The following ATP13A4 variants were observed in gnomAD, a reference collection of about 807,000 sequenced individuals.
ATP13A4 encodes ATPase 13A4, also known as probable cation-transporting ATPase 13A4.
A neutral mutation model predicts 142.5 loss-of-function variants in ATP13A4; 114 were observed. The observed-to-expected ratio is 0.80, with a 90% CI of 0.69 to 0.93. The LOEUF is 0.93. Ranked by LOEUF, ATP13A4 falls within the 40% of genes least tolerant of loss-of-function variation. The pLI is 0.00. For synonymous variants in ATP13A4, 488 were observed against 514.8 expected (o/e 0.95, Z 0.70); for missense variants, 1,392 against 1,454.0 (o/e 0.96, Z 0.69).
rs141097987 is a variant in ATP13A4 at position 193,445,306 on chromosome 3, C to T, written c.2153-2750G>A. Reference sequence around the variant, plus strand: ...TAAAAATTAGCCAGGCGTTGTGTTGCGTGCCTGTAATCCCAGCTACTTGGG... The same window carrying T: ...TAAAAATTAGCCAGGCGTTGTGTTGTGTGCCTGTAATCCCAGCTACTTGGG... On this transcript the variant is annotated intron_variant, in intron 18 of 29. Coordinates refer to ENST00000342695, the MANE Select transcript of ATP13A4 (RefSeq NM_032279.4). Among the ~76,000 whole-genome samples the T allele has an allele frequency of 1.3e-3, 193 of 151,866 alleles. 1 individual carries two copies. The highest frequency in any genetic ancestry group is 4.3e-3 in the African/African-American group (177 of 41,416).
chr3:193,441,689 A>G, intron 19 of ATP13A4, 101 bp from the exon 20 acceptor site: 2 of 1,421,722 alleles, frequency 1.4e-6, no homozygotes, highest in Non-Finnish European at 2.0e-6. Flanking sequence ...ACCAGGATCT[A>G]TCTGTAAAAG....
chr3:193,585,476 T>C (rs1409185779), intron 1 of ATP13A4, among the ~76,000 whole-genome samples: 1 of 130,480 alleles, frequency 7.7e-6, no homozygotes, highest in African/African-American at 3.0e-5. Context: ...CAGGTTTGTT[T>C]GTGGGTTTTT....
chr3:193,541,220 G>T (rs1391577312), intron 1 of ATP13A4, among the ~76,000 whole-genome samples: 1 of 129,220 alleles, frequency 7.7e-6, no homozygotes, highest in Non-Finnish European at 1.7e-5. Context: ...CTGCACTCCA[G>T]CCTGGGCGAC....
In ATP13A4 at chr3:193,402,006, C is replaced by T. The variant is rs1714278653; in HGVS notation, c.*646G>A. 6.5e-6 allele frequency: 1 copy of T among 153,042 alleles called. No individual in the cohort carries two copies. 9.5% of individuals were successfully genotyped at this position (153,042 alleles called of 1,614,324 possible). On this transcript the variant is annotated 3_prime_UTR_variant, in exon 30 of 30. Transcript: ENST00000342695. Reference sequence around the variant, plus strand: ...TGGAGCCATCAGGTTGAAGCAGTCACTGCTGTAAGAATGGCAGTTCCAGAG... The same window carrying T: ...TGGAGCCATCAGGTTGAAGCAGTCATTGCTGTAAGAATGGCAGTTCCAGAG...
chr3:193,452,067 TGTGTC>T (rs1717313168), intron 17 of ATP13A4, among the ~76,000 whole-genome samples: 1 of 152,212 alleles, frequency 6.6e-6, no homozygotes, highest in African/African-American at 2.4e-5. Context: ...CCATTGCTCA[TGTGTC>T]TCCACAGTAA....
At position 193,401,194 on chromosome 3, in the gene ATP13A4, T is replaced by C. The variant is rs1350557555; in HGVS notation, c.*1458A>G. Among the ~76,000 whole-genome samples the C allele has an allele frequency of 6.6e-6, 1 of 152,154 alleles. No individual in the cohort carries two copies. Among genetic ancestry groups the C allele is most frequent in the East Asian group, 1.9e-4 (1 of 5,196 alleles). ...TTATCCCCTGATCAGAACATTCACC[T>C]AGGATTTGATGCTCATAATACAAAT... On this transcript the variant is annotated 3_prime_UTR_variant, in exon 30 of 30. Transcript: ENST00000342695.
In ATP13A4 at chr3:193,400,785, T is replaced by G. The variant is rs1391583626; in HGVS notation, c.*1867A>C. Among the ~76,000 whole-genome samples the G allele has an allele frequency of 6.6e-6, 1 of 152,226 alleles. No individual in the cohort carries two copies. The highest frequency in any genetic ancestry group is 1.5e-5 in the Non-Finnish European group (1 of 68,036). On this transcript the variant is annotated 3_prime_UTR_variant, in exon 30 of 30. Coordinates refer to ENST00000342695, the MANE Select transcript of ATP13A4 (RefSeq NM_032279.4). ...AAAGGGCACATTTAAGTATGAACTG[T>G]GCAGGCTGATCTTGCTCATGACTAG...
rs146415399 is a variant in ATP13A4, at chr3:193,502,639, C to T, written c.235G>A (p.Asp79Asn). ...EADTVLLRTTDEFQIYSWKKV... is the reference protein window; with the variant it reads ...EADTVLLRTTNEFQIYSWKKV... ...TTCCAAGAGTAAATTTGGAATTCAT[C>T]CTGAGGAGATAGACATCAAAACCCC... The change falls in exon 3 of 30, where the codon GAT (aspartate) becomes AAT (asparagine). Residue 79 changes from aspartate to asparagine, a missense_variant and splice_region_variant. Coordinates refer to ENST00000342695, the MANE Select transcript of ATP13A4 (RefSeq NM_032279.4). 7.7e-5 allele frequency: 125 copies of T among 1,613,644 alleles called. No homozygotes were observed. In the African/African-American group the frequency reaches 1.5e-3, roughly 20 times the overall value.
intron 1 of ATP13A4, among the ~76,000 whole-genome samples, chr3:193,589,792 ACT>A (rs576532605): frequency 5.9e-5 from 9 of 151,818 alleles, no homozygotes; most frequent in Non-Finnish European, 1.2e-4. Context: ...TCCTTCCTTG[ACT>A]CTGCCCTTCA....
At chr3:193,490,413 C>A (rs1719881183) in intron 6 of ATP13A4, among the ~76,000 whole-genome samples, 1 of 152,102 alleles carries the variant, frequency 6.6e-6, no homozygotes, top group East Asian at 1.9e-4. Context: ...TAACACCTGC[C>A]ATATTTGAAG....
intron 8 of ATP13A4, among the ~76,000 whole-genome samples, chr3:193,473,257 A>T (rs1718723879): frequency 6.6e-6 from 1 of 152,236 alleles, no homozygotes; most frequent in Admixed American, 6.5e-5. Flanking sequence ...TAACAATTTG[A>T]ACATCAAAGT....
intron 1 of ATP13A4, among the ~76,000 whole-genome samples, chr3:193,540,551 A>AAC (rs1722837616): frequency 6.6e-6 from 1 of 151,138 alleles, no homozygotes; most frequent in Non-Finnish European, 1.5e-5. Flanking sequence ...AAAAAAAAAA[A>AAC]AAACCCTTCT....
intron 24 of ATP13A4, among the ~76,000 whole-genome samples, chr3:193,434,243 TTTAG>T (rs1356132638): frequency 6.6e-6 from 1 of 152,142 alleles, no homozygotes; most frequent in African/African-American, 2.4e-5. Context: ...TAACAGAAAA[TTTAG>T]GATTTCATTT....
intron 17 of ATP13A4, among the ~76,000 whole-genome samples, chr3:193,449,711 A>G (rs1264378820): frequency 2.0e-5 from 3 of 152,140 alleles, no homozygotes; most frequent in African/African-American, 4.8e-5. Flanking sequence ...CTGCTGTAAG[A>G]CATTTGTCCT....
At chr3:193,496,518 T>C (rs540069582) in intron 3 of ATP13A4, among the ~76,000 whole-genome samples, 9 of 152,270 alleles carry the variant, frequency 5.9e-5, no homozygotes, top group African/African-American at 2.2e-4. Context: ...CCCTGAGGCA[T>C]AGTGGCTCAT....
Position 193,489,749 on chromosome 3 carries a change from G to C in ATP13A4, c.719C>G (p.Thr240Arg), listed in dbSNP as rs770995802. 6.2e-7 allele frequency: 1 copy of C among 1,609,760 alleles called. No individual in the cohort carries two copies. Among genetic ancestry groups the C allele is most frequent in the South Asian group, 1.1e-5 (1 of 91,008 alleles). ...ACTCACCTCTCTGAGATCATATACT[G>C]TCAAAGATATGGAAATTATGGACAT... ...IIMSIISISL[T>R]VYDLREQSVK... Residue 240 changes from threonine to arginine, a missense_variant, in exon 7 of 30, where the codon ACA becomes AGA. Thr to Arg is a moderately conservative substitution (Grantham distance 71). Coordinates refer to ENST00000342695, the MANE Select transcript of ATP13A4 (RefSeq NM_032279.4).
At chr3:193,560,084 A>G (rs1723982620) in intron 2 of ATP13A4, among the ~76,000 whole-genome samples, 1 of 152,186 alleles carries the variant, frequency 6.6e-6, no homozygotes, top group Non-Finnish European at 1.5e-5. Context: ...AGTTACTTTC[A>G]TTGTTTCTTC....
intron 3 of ATP13A4, among the ~76,000 whole-genome samples, chr3:193,500,355 C>CAAGATG (rs1209449051): frequency 1.4e-3 from 215 of 152,244 alleles, no homozygotes; most frequent in African/African-American, 5.1e-3. Context: ...TGGTCCTTAG[C>CAAGATG]ATCTCCTCTT....
At chr3:193,552,652 G>A (rs1336425569) in intron 1 of ATP13A4, among the ~76,000 whole-genome samples, 3 of 152,182 alleles carry the variant, frequency 2.0e-5, no homozygotes, top group African/African-American at 7.2e-5. Flanking sequence ...AATGTGTTCT[G>A]TTAAGAGTGG....
Sources: gnomAD v4.1 joint callset for allele counts (sites outside exome capture counted in the v4.1 genomes callset) on GRCh38, gnomAD v4.1.1 for gene constraint, MANE v1.5 for transcripts, NCBI Gene and HGNC (gene_info 2026-07-23, HGNC 2026-07-21) for gene names.